The following MDGA2 variants were observed in gnomAD, a reference collection of about 807,000 sequenced individuals.
MDGA2 encodes MAM domain containing glycosylphosphatidylinositol anchor 2, also known as MAM domain-containing glycosylphosphatidylinositol anchor protein 2.
A neutral mutation model predicts 117.8 loss-of-function variants in MDGA2; 40 were observed. The observed-to-expected ratio is 0.34, with a 90% CI of 0.26 to 0.44. MDGA2 has a LOEUF of 0.44. MDGA2 is among the 20% of genes least tolerant of loss of function. The pLI is 1.00. For synonymous variants in MDGA2, 452 were observed against 439.0 expected, an observed-to-expected ratio of 1.03 and a Z score of -0.37; for missense variants, 1,123 against 1,250.6, an observed-to-expected ratio of 0.90 and a Z score of 1.54.
At chr14:47,145,456 G>A (rs1882903377) in intron 3 of MDGA2, among the ~76,000 whole-genome samples, 1 of 152,106 alleles carries the variant, frequency 6.6e-6, no homozygotes, top group African/African-American at 2.4e-5. Flanking sequence ...CATATTCCAG[G>A]TTCTTTTCTT....
intron 1 of MDGA2, among the ~76,000 whole-genome samples, chr14:47,490,651 G>A (rs1894149914): frequency 2.0e-5 from 3 of 152,234 alleles, no homozygotes; most frequent in East Asian, 3.9e-4. Flanking sequence ...CATTAAAGGT[G>A]TTAAATTGTA....
chr14:47,141,325 G>T (rs566880235), intron 4 of MDGA2, among the ~76,000 whole-genome samples: 2 of 152,096 alleles, frequency 1.3e-5, no homozygotes, highest in African/African-American at 4.8e-5. Flanking sequence ...ACAGTATGTC[G>T]AGGAGATACC....
intron 1 of MDGA2, among the ~76,000 whole-genome samples, chr14:47,457,932 G>A (rs550074577): frequency 1.3e-5 from 2 of 150,604 alleles, no homozygotes; most frequent in Admixed American, 1.3e-4. Context: ...CTTCTTCCAA[G>A]TGGTTAAGAG....
chr14:46,937,887 C>T (rs1884840683), intron 9 of MDGA2, among the ~76,000 whole-genome samples: 1 of 151,776 alleles, frequency 6.6e-6, no homozygotes, highest in Non-Finnish European at 1.5e-5. Flanking sequence ...GAACACTGGG[C>T]TGAGAAAAGA....
intron 3 of MDGA2, among the ~76,000 whole-genome samples, chr14:47,204,076 G>A (rs1885600633): frequency 6.6e-6 from 1 of 151,948 alleles, no homozygotes; most frequent in Non-Finnish European, 1.5e-5. Context: ...TGAACATTTT[G>A]AAAGGACTAT....
intron 1 of MDGA2, among the ~76,000 whole-genome samples, chr14:47,314,892 A>G (rs1056607894): frequency 2.6e-5 from 4 of 152,172 alleles, no homozygotes; most frequent in Non-Finnish European, 4.4e-5. Context: ...AATCCATAAT[A>G]TATTGCTAAG....
chr14:47,612,044 A>G (rs1195058016), intron 1 of MDGA2, among the ~76,000 whole-genome samples: 2 of 152,138 alleles, frequency 1.3e-5, no homozygotes, highest in Non-Finnish European at 2.9e-5. Flanking sequence ...CTCAAACAAA[A>G]TGTTTAGTGG....
At chr14:46,947,541 A>G (rs1284328602) in intron 9 of MDGA2, among the ~76,000 whole-genome samples, 2 of 151,916 alleles carry the variant, frequency 1.3e-5, no homozygotes, top group African/African-American at 4.8e-5. Context: ...GGTGGGAGGT[A>G]ACTGAATCAT....
intron 1 of MDGA2, among the ~76,000 whole-genome samples, chr14:47,307,610 G>C (rs1245950321): frequency 6.6e-6 from 1 of 152,008 alleles, no homozygotes; most frequent in African/African-American, 2.4e-5. Flanking sequence ...GAACCCAGGA[G>C]GCGGAGGTTG....
chr14:47,361,895 C>A (rs1407296259), intron 1 of MDGA2, among the ~76,000 whole-genome samples: 1 of 152,148 alleles, frequency 6.6e-6, no homozygotes, highest in Non-Finnish European at 1.5e-5. Context: ...ATTCGAAGCA[C>A]TCTTCTTCAT....
At chr14:47,207,293 G>C (rs568379876) in intron 3 of MDGA2, among the ~76,000 whole-genome samples, 2 of 151,872 alleles carry the variant, frequency 1.3e-5, no homozygotes, top group East Asian at 1.9e-4. Context: ...AACAGAATAG[G>C]AGAAAAAATA....
chr14:47,217,903 TAC>T, intron 3 of MDGA2, 116 bp downstream of exon 3: 2 of 771,912 alleles, frequency 2.6e-6, no homozygotes, highest in Non-Finnish European at 3.8e-6. Flanking sequence ...ATCATTATTT[TAC>T]ACAGTTTTCA....
intron 3 of MDGA2, among the ~76,000 whole-genome samples, chr14:47,215,177 AT>A (rs1342151065): frequency 6.6e-6 from 1 of 152,108 alleles, no homozygotes; most frequent in African/African-American, 2.4e-5. Flanking sequence ...ATGATTTCAG[AT>A]AAAAACAGTC....
chr14:47,207,267 T>C (rs1885720203), intron 3 of MDGA2, among the ~76,000 whole-genome samples: 1 of 151,682 alleles, frequency 6.6e-6, no homozygotes. Context: ...TTTAGGAGGA[T>C]GAGGAATTTA....
intron 1 of MDGA2, among the ~76,000 whole-genome samples, chr14:47,450,549 A>G (rs774654506): frequency 1.2e-4 from 19 of 152,152 alleles, no homozygotes; most frequent in African/African-American, 4.3e-4. Context: ...AAAAATCTCA[A>G]TGTCAAATGA....
At chr14:47,342,868 G>C (rs2277472) in intron 1 of MDGA2, 2 of 370,894 alleles carry the variant, frequency 5.4e-6, no homozygotes, top group Non-Finnish European at 1.1e-5. Flanking sequence ...ACACTTAAAG[G>C]CTAGGTTCCG....
chr14:47,534,349 G>T (rs1895162604), intron 1 of MDGA2, among the ~76,000 whole-genome samples: 1 of 152,154 alleles, frequency 6.6e-6, no homozygotes, highest in Admixed American at 6.6e-5. Context: ...AACAAAAATA[G>T]CAGCTGTATT....
At chr14:46,964,354 G>A (rs1885932058) in intron 8 of MDGA2, among the ~76,000 whole-genome samples, 1 of 152,162 alleles carries the variant, frequency 6.6e-6, no homozygotes, top group African/African-American at 2.4e-5. Context: ...TTGTTACATA[G>A]CAAGAAATAA....
intron 1 of MDGA2, among the ~76,000 whole-genome samples, chr14:47,418,556 AT>A (rs1333675487): frequency 6.6e-6 from 1 of 152,154 alleles, no homozygotes; most frequent in African/African-American, 2.4e-5. Flanking sequence ...GAAGGTCCTA[AT>A]TCCATTTATC....
Sources: allele counts gnomAD v4.1 joint callset (sites outside exome capture counted in the v4.1 genomes callset), GRCh38; gene constraint gnomAD v4.1.1; transcripts MANE v1.5; gene names NCBI Gene and HGNC (gene_info 2026-07-23, HGNC 2026-07-21).